JAM3: variants seen among roughly 807,000 people sequenced by gnomAD.
The protein encoded by JAM3 is junctional adhesion molecule 3, also known as junctional adhesion molecule C.
A neutral mutation model predicts 39.4 loss-of-function variants in JAM3; 31 were observed. The observed-to-expected ratio is 0.79, with a 90% CI of 0.59 to 1.06. The LOEUF is 1.06. Ranked by LOEUF, JAM3 falls within the 50% of genes least tolerant of loss-of-function variation. The pLI, the probability that JAM3 is intolerant of heterozygous loss-of-function variation, is 0.00. For missense variants in JAM3, 455 were observed against 391.4 expected, an observed-to-expected ratio of 1.16 and a Z score of -1.37; for synonymous variants, 182 against 148.7, an observed-to-expected ratio of 1.22 and a Z score of -1.63.
chr11:134,136,024 C>A (rs1221296379), intron 1 of JAM3, among the ~76,000 whole-genome samples: 1 of 152,030 alleles, frequency 6.6e-6, no homozygotes, highest in Non-Finnish European at 1.5e-5. Flanking sequence ...GAGCTGAGAT[C>A]ACACCATTGC....
rs373880962 is a variant in JAM3 at position 134,149,189 on chromosome 11, G to A, written c.*8G>A. On this transcript the variant is annotated 3_prime_UTR_variant, in exon 9 of 9. Transcript: ENST00000299106. ...TCATCGTTTGTGATCTGAGACCCGC[G>A]GTGTGGCTGAGAGCGCACAGAGCGC... 1.7e-5 allele frequency: 27 copies of A among 1,613,984 alleles called. No individual in the cohort carries two copies. Among genetic ancestry groups the A allele is most frequent in the Middle Eastern group, 1.7e-4 (1 of 6,056 alleles).
chr11:134,117,590 T>A (rs1432696343), intron 1 of JAM3, among the ~76,000 whole-genome samples: 1 of 152,202 alleles, frequency 6.6e-6, no homozygotes, highest in East Asian at 1.9e-4. Context: ...CACTGGAATA[T>A]TTTATAGCAT....
intron 6 of JAM3, 145 bp from the exon 7 acceptor site, chr11:134,148,396 TTGTAAG>T: frequency 1.2e-6 from 1 of 834,906 alleles, no homozygotes; most frequent in South Asian, 1.4e-5. Flanking sequence ...GCTAGAAGGA[TTGTAAG>T]TGTTCTCTCT....
intron 1 of JAM3, among the ~76,000 whole-genome samples, chr11:134,127,556 C>T (rs142514383): frequency 0.01 from 1,565 of 152,196 alleles, 22 homozygotes; most frequent in African/African-American, 0.035. Context: ...AAAAATTAGC[C>T]GGACGTGGTG....
At chr11:134,144,171 G>T in intron 3 of JAM3, 70 bp from the exon 4 acceptor site, 1 of 1,559,526 alleles carries the variant, frequency 6.4e-7, no homozygotes, top group Non-Finnish European at 8.8e-7. Flanking sequence ...GCTAGCCCCA[G>T]AAACCACCCT....
chr11:134,111,546 T>C (rs1455541806), intron 1 of JAM3, among the ~76,000 whole-genome samples: 2 of 152,178 alleles, frequency 1.3e-5, no homozygotes, highest in Non-Finnish European at 2.9e-5. Context: ...CCTCATACCA[T>C]TAATTCGATG....
intron 1 of JAM3, among the ~76,000 whole-genome samples, chr11:134,106,996 GATT>G (rs763892835): frequency 1.8e-4 from 27 of 152,206 alleles, no homozygotes; most frequent in East Asian, 1.2e-3. Flanking sequence ...ATACCCAAAG[GATT>G]ATAAATCATA....
chr11:134,129,789 C>A (rs1942732612), intron 1 of JAM3, among the ~76,000 whole-genome samples: 1 of 152,148 alleles, frequency 6.6e-6, no homozygotes, highest in African/African-American at 2.4e-5. Context: ...ATTGCTTGAG[C>A]TCAGGAGCGC....
At chr11:134,100,685 A>C (rs1024483967) in intron 1 of JAM3, among the ~76,000 whole-genome samples, 8 of 152,148 alleles carry the variant, frequency 5.3e-5, no homozygotes, top group Non-Finnish European at 1.2e-4. Context: ...TGTACTCAGC[A>C]CTTTACGTAT....
At chr11:134,139,176 A>G (rs566613628) in intron 1 of JAM3, among the ~76,000 whole-genome samples, 105 of 152,344 alleles carry the variant, frequency 6.9e-4, no homozygotes, top group African/African-American at 2.5e-3. Context: ...CCAAACCCAT[A>G]AGGAATCAGA....
rs1233855706 is a variant in JAM3, at chr11:134,148,544, C to T, written c.713-3C>T. On this transcript the variant is annotated splice_region_variant and splice_polypyrimidine_tract_variant and intron_variant, in intron 6 of 8. Transcript: ENST00000299106. ...GGCTTCCACCAAACCTCCTTTTCTT[C>T]AGATGACCTGAACATTGGCGGAATT... 2 of 1,614,116 alleles carry T rather than the reference C, an allele frequency of 1.2e-6. No individual in the cohort carries two copies. Among genetic ancestry groups the T allele is most frequent in the Admixed American group, 1.7e-5 (1 of 60,020 alleles).
intron 1 of JAM3, among the ~76,000 whole-genome samples, chr11:134,128,626 A>G (rs1261286744): frequency 1.3e-5 from 2 of 151,448 alleles, no homozygotes; most frequent in Non-Finnish European, 2.9e-5. Context: ...TTATTCGCTC[A>G]CTCGTGTGCA....
At chr11:134,114,481 A>G (rs1488985051) in intron 1 of JAM3, among the ~76,000 whole-genome samples, 2 of 152,178 alleles carry the variant, frequency 1.3e-5, no homozygotes, top group Non-Finnish European at 2.9e-5. Flanking sequence ...TTTGTCAAAG[A>G]TCAGATGGTT....
Position 134,150,968 on chromosome 11 carries a change from C to T in JAM3, c.*1787C>T, listed in dbSNP as rs1316185851. 2.0e-5 allele frequency: 3 copies of T among 152,342 alleles called. No individual in the cohort carries two copies. The highest frequency in any genetic ancestry group is 2.0e-4 in the Admixed American group (3 of 15,308). 9.4% of individuals were successfully genotyped at this position (152,342 alleles called of 1,614,324 possible). ...TTTTTCATCCGCCGGAGACACTGCTCCCATTTGTGGGGGGACATTAGCAAC... is the reference window on the plus strand; with the variant it reads ...TTTTTCATCCGCCGGAGACACTGCTTCCATTTGTGGGGGGACATTAGCAAC... On this transcript the variant is annotated 3_prime_UTR_variant, in exon 9 of 9. Transcript: ENST00000299106.
chr11:134,088,537 C>A (rs576092215), intron 1 of JAM3, among the ~76,000 whole-genome samples: 1 of 152,030 alleles, frequency 6.6e-6, no homozygotes, highest in African/African-American at 2.4e-5. Flanking sequence ...ACATGTACAT[C>A]CTTTTCTATA....
At chr11:134,144,762 A>T in intron 4 of JAM3, 30 bp from the exon 5 acceptor site, 1 of 1,560,196 alleles carries the variant, frequency 6.4e-7, no homozygotes. Context: ...TGTCACTGAG[A>T]TCTTAAACAC....
At chr11:134,091,942 T>G (rs1317251229) in intron 1 of JAM3, among the ~76,000 whole-genome samples, 1 of 152,014 alleles carries the variant, frequency 6.6e-6, no homozygotes, top group Non-Finnish European at 1.5e-5. Context: ...CAGGGCAGTA[T>G]TGCAACAATT....
chr11:134,118,477 G>A (rs1192790937), intron 1 of JAM3, among the ~76,000 whole-genome samples: 4 of 152,034 alleles, frequency 2.6e-5, no homozygotes, highest in Non-Finnish European at 1.5e-5. Context: ...TGAAAACACT[G>A]GGAAGTCATT....
chr11:134,082,797 A>AC (rs951720625), intron 1 of JAM3, among the ~76,000 whole-genome samples: 19 of 151,466 alleles, frequency 1.3e-4, no homozygotes, highest in Admixed American at 2.6e-4. Context: ...GGGATTTATA[A>AC]CCCCCCCAGA....
Sources: allele counts gnomAD v4.1 joint callset (sites outside exome capture counted in the v4.1 genomes callset), GRCh38; gene constraint gnomAD v4.1.1; transcripts MANE v1.5; gene names NCBI Gene and HGNC (gene_info 2026-07-23, HGNC 2026-07-21).